PKD1L1: variants seen among roughly 807,000 people sequenced by gnomAD.
PKD1L1 encodes the protein polycystin 1 like 1, transient receptor potential channel interacting.
In PKD1L1, 236 loss-of-function variants were observed where a neutral mutation model predicts 323.4. The observed-to-expected ratio is 0.73, with a 90% confidence interval of 0.66 to 0.81. The LOEUF is 0.81. Ranked by LOEUF, PKD1L1 falls within the 40% of genes least tolerant of loss-of-function variation. The probability of loss-of-function intolerance (pLI) is 0.00; values close to 1 mark genes in which losing one functional copy is unlikely to be tolerated. For missense variants in PKD1L1, 3,320 were observed against 3,508.0 expected (o/e 0.95, Z 1.35); for synonymous variants, 1,344 against 1,335.0 (o/e 1.01, Z -0.15).
intron 41 of PKD1L1, among the ~76,000 whole-genome samples, chr7:47,832,557 G>A (rs1047662809): frequency 1.3e-5 from 2 of 152,158 alleles, no homozygotes; most frequent in African/African-American, 2.4e-5. Context: ...CTGGAGCCTC[G>A]AGAAAACCAT....
rs1378608889 is a variant in PKD1L1 at position 47,940,310 on chromosome 7, A to G, written c.168T>C (p.Tyr56=). The G allele has an allele frequency of 1.2e-6, 2 of 1,613,548 alleles. No homozygotes were observed. Among genetic ancestry groups the G allele is most frequent in the African/African-American group, 2.7e-5 (2 of 74,982 alleles). The part of the protein sequence containing the change: ...PPGGGLWVEV[Y]ANHVLLMSDG... Reference sequence around the variant, plus strand: ...CACTCATAAGAAGCACATGATTAGCATAGACCTCTAGAGAAAAAAAAAAAA... The same window carrying G: ...CACTCATAAGAAGCACATGATTAGCGTAGACCTCTAGAGAAAAAAAAAAAA... Residue 56 remains tyrosine (Y), a synonymous_variant, in exon 3 of 57, where the codon TAT becomes TAC. Coordinates refer to ENST00000289672, the MANE Select transcript of PKD1L1 (RefSeq NM_138295.5).
At chr7:47,787,175 A>G (rs899878291) in intron 56 of PKD1L1, among the ~76,000 whole-genome samples, 1 of 152,208 alleles carries the variant, frequency 6.6e-6, no homozygotes, top group Admixed American at 6.5e-5. Context: ...TGCTTGGCCT[A>G]TTCCAAGACC....
intron 43 of PKD1L1, among the ~76,000 whole-genome samples, chr7:47,829,833 G>A (rs1402681512): frequency 6.6e-6 from 1 of 152,166 alleles, no homozygotes; most frequent in Non-Finnish European, 1.5e-5. Flanking sequence ...GGTTAAAGTG[G>A]TACCCTCCTC....
At chr7:47,782,919 C>T (rs1205413753) in intron 56 of PKD1L1, among the ~76,000 whole-genome samples, 1 of 152,146 alleles carries the variant, frequency 6.6e-6, no homozygotes, top group African/African-American at 2.4e-5. Flanking sequence ...CACTCACTCC[C>T]AAACCGCTGG....
intron 27 of PKD1L1, among the ~76,000 whole-genome samples, chr7:47,858,466 G>GT (rs1468146075): frequency 6.6e-6 from 1 of 152,000 alleles, no homozygotes; most frequent in East Asian, 1.9e-4. Flanking sequence ...TAGAAGCAAG[G>GT]TTTCACTGGA....
intron 8 of PKD1L1, among the ~76,000 whole-genome samples, chr7:47,911,605 A>C (rs1787322634): frequency 6.6e-6 from 1 of 152,220 alleles, no homozygotes; most frequent in South Asian, 2.1e-4. Context: ...TTAATCCAAA[A>C]ACAAAAAGGA....
chr7:47,880,263 TACATATA>T (rs1562970420), intron 21 of PKD1L1, among the ~76,000 whole-genome samples: 62 of 88,304 alleles, frequency 7.0e-4, no homozygotes, highest in African/African-American at 1.6e-3. Context: ...TATATATATA[TACATATA>T]TATATATATA....
chr7:47,806,697 G>A (rs1056911337), intron 52 of PKD1L1, among the ~76,000 whole-genome samples: 4 of 152,242 alleles, frequency 2.6e-5, no homozygotes, highest in Non-Finnish European at 5.9e-5. Context: ...ATAAGTGCCT[G>A]CAGAACAGGT....
chr7:47,858,945 G>T, intron 26 of PKD1L1, 60 bp from the exon 27 acceptor site: 1 of 1,571,354 alleles, frequency 6.4e-7, no homozygotes, highest in Non-Finnish European at 8.7e-7. Context: ...GTGCCCGGGT[G>T]TATTTGAGGA....
Position 47,847,031 on chromosome 7 carries a change from A to G in PKD1L1, c.5001T>C (p.Tyr1667=). 6.2e-7 allele frequency: 1 copy of G among 1,608,160 alleles called. No individual in the cohort carries two copies. The highest frequency in any genetic ancestry group is 2.2e-5 in the East Asian group (1 of 44,740). ...VGYLSLLDAD[Y]DRKPPNRYLA... ...AATATCTGTTTGGAGGTTTTCTGTC[A>G]TAGTCAGCATCCAATAAGGATAAAT... is the stretch of plus-strand genomic sequence containing the variant. Residue 1667 remains tyrosine (Y), a synonymous_variant, in exon 32 of 57, where the codon TAT becomes TAC. Transcript: ENST00000289672.
At chr7:47,880,859 A>G in intron 20 of PKD1L1, 54 bp from the exon 21 acceptor site, 2 of 1,415,160 alleles carry the variant, frequency 1.4e-6, no homozygotes, top group Non-Finnish European at 9.8e-7. Context: ...TCAAGGACAG[A>G]GGTCACACAG....
In PKD1L1 at chr7:47,943,457, A is replaced by C; in HGVS notation, c.99T>G (p.Thr33=). ...ACAGATGAAGACCCCAGCTCTTGTC[A>C]GTGCTCACAGACAGCTCACCACCAA... is the stretch of plus-strand genomic sequence containing the variant. ...LSFGGELSVS[T]DKSWGLHLCS... The change falls in exon 2 of 57, where the codon ACT becomes ACG. Residue 33 remains threonine, a synonymous_variant. Coordinates refer to ENST00000289672, the MANE Select transcript of PKD1L1 (RefSeq NM_138295.5). 6.2e-7 allele frequency: 1 copy of C among 1,613,578 alleles called. No individual in the cohort carries two copies. Among genetic ancestry groups the C allele is most frequent in the Non-Finnish European group, 8.5e-7 (1 of 1,179,656 alleles).
At chr7:47,807,606 C>T (rs540408221) in intron 52 of PKD1L1, among the ~76,000 whole-genome samples, 1 of 152,144 alleles carries the variant, frequency 6.6e-6, no homozygotes, top group Non-Finnish European at 1.5e-5. Flanking sequence ...CATCTTCCAC[C>T]ACCACAGGAA....
At chr7:47,818,208 A>G (rs1219508351) in intron 46 of PKD1L1, 1 of 1,357,502 alleles carries the variant, frequency 7.4e-7, no homozygotes, top group African/African-American at 1.5e-5. Context: ...GAGCAGATAC[A>G]TCTCTGCAAA....
intron 52 of PKD1L1, among the ~76,000 whole-genome samples, chr7:47,807,515 T>C (rs1247472882): frequency 6.6e-6 from 1 of 152,058 alleles, no homozygotes; most frequent in African/African-American, 2.4e-5. Context: ...GACCACCCTC[T>C]AGATGGGAAA....
chr7:47,927,530 C>T (rs1430754860), intron 7 of PKD1L1, among the ~76,000 whole-genome samples: 1 of 152,100 alleles, frequency 6.6e-6, no homozygotes, highest in African/African-American at 2.4e-5. Flanking sequence ...TCCCAAAGCA[C>T]TAGTATTACA....
At chr7:47,960,605 A>C in the PKD1L1 span, among the ~76,000 whole-genome samples, 1 of 151,326 alleles carries the variant, frequency 6.6e-6, no homozygotes, top group Non-Finnish European at 1.5e-5. Context: ...AGAGTGTGTG[A>C]CGGTAGATTA....
chr7:47,937,205 G>T (rs1053791691), intron 3 of PKD1L1, among the ~76,000 whole-genome samples: 2 of 141,474 alleles, frequency 1.4e-5, no homozygotes, highest in Non-Finnish European at 3.1e-5. Context: ...GGGTCGTGCT[G>T]CGGAAGAATA....
chr7:47,816,276 T>A (rs903719406), intron 46 of PKD1L1, among the ~76,000 whole-genome samples: 1 of 152,220 alleles, frequency 6.6e-6, no homozygotes, highest in East Asian at 1.9e-4. Flanking sequence ...CTTCATTATG[T>A]TTATAGATAT....
Sources: allele counts gnomAD v4.1 joint callset (sites outside exome capture counted in the v4.1 genomes callset), GRCh38; gene constraint gnomAD v4.1.1; transcripts MANE v1.5; gene names NCBI Gene and HGNC (gene_info 2026-07-23, HGNC 2026-07-21).